The following PRKCA variants were observed in gnomAD, a reference collection of about 807,000 sequenced individuals.
The protein encoded by PRKCA is protein kinase C alpha type.
Under a neutral mutation model 87.0 loss-of-function variants are expected in PRKCA, and 27 were observed. The observed-to-expected ratio is 0.31, with a 90% CI of 0.23 to 0.43. The LOEUF (loss-of-function observed/expected upper bound fraction) is 0.43. PRKCA is among the 20% of genes least tolerant of loss of function. The pLI is 1.00. For missense variants in PRKCA, 518 were observed against 852.3 expected, an observed-to-expected ratio of 0.61 and a Z score of 4.88; for synonymous variants, 329 against 311.1, an observed-to-expected ratio of 1.06 and a Z score of -0.61.
chr17:66,563,986 CCTTCCTTCCTTCCTTCCTCCTTT>C (rs1258450569), intron 3 of PRKCA, among the ~76,000 whole-genome samples: 34 of 142,916 alleles, frequency 2.4e-4, no homozygotes, highest in African/African-American at 8.4e-4. Flanking sequence ...TTCCTTCCTT[CCTTCCTTCCTTCCTTCCTCCTTT>C]CTTTCTCTCT....
At chr17:66,612,076 TA>T (rs35346924) in intron 3 of PRKCA, among the ~76,000 whole-genome samples, 22,813 of 145,882 alleles carry the variant, frequency 0.16, 1,763 homozygotes, top group Middle Eastern at 0.19. Flanking sequence ...ACTTTGTGAG[TA>T]AAAAAAAAAA....
chr17:66,754,436 C>T (rs977344818), intron 13 of PRKCA, among the ~76,000 whole-genome samples: 2 of 152,108 alleles, frequency 1.3e-5, no homozygotes, highest in Admixed American at 1.3e-4. Flanking sequence ...CCCCACTGTG[C>T]GTGTGACTCT....
At chr17:66,694,162 G>A (rs538605351) in intron 8 of PRKCA, among the ~76,000 whole-genome samples, 48 of 152,148 alleles carry the variant, frequency 3.2e-4, no homozygotes, top group African/African-American at 9.6e-4. Flanking sequence ...GTTGGGTCCC[G>A]ATTACAAACT....
At chr17:66,774,268 G>A in intron 14 of PRKCA, 29 of 1,416,914 alleles carry the variant, frequency 2.0e-5, no homozygotes, top group Non-Finnish European at 2.7e-5. Flanking sequence ...TCTGGTCATA[G>A]AAACTCCAAA....
intron 3 of PRKCA, among the ~76,000 whole-genome samples, chr17:66,626,280 C>T (rs1455300093): frequency 6.6e-6 from 1 of 151,682 alleles, no homozygotes; most frequent in Admixed American, 6.6e-5. Flanking sequence ...CTCTGCCTCC[C>T]AGGCTCAAGC....
chr17:66,781,109 AAAATAT>A (rs1464158099), intron 14 of PRKCA, among the ~76,000 whole-genome samples: 4 of 152,206 alleles, frequency 2.6e-5, no homozygotes, highest in Non-Finnish European at 4.4e-5. Flanking sequence ...AAAAAAATAA[AAAATAT>A]AAAAATAAAA....
intron 3 of PRKCA, among the ~76,000 whole-genome samples, chr17:66,619,198 C>G (rs553275457): frequency 6.6e-6 from 1 of 152,256 alleles, no homozygotes; most frequent in Non-Finnish European, 1.5e-5. Flanking sequence ...TTGAGTCTCT[C>G]TCATAAACTG....
chr17:66,303,545 T>C (rs1904636561), intron 1 of PRKCA, among the ~76,000 whole-genome samples: 2 of 151,928 alleles, frequency 1.3e-5, no homozygotes, highest in Non-Finnish European at 2.9e-5. Context: ...TGGACTGCGC[T>C]GGCATCTTGG....
At chr17:66,395,990 A>T (rs78793640) in intron 2 of PRKCA, among the ~76,000 whole-genome samples, 6,654 of 151,912 alleles carry the variant, frequency 0.044, 327 homozygotes, top group African/African-American at 0.12. Flanking sequence ...AAAGTCTCCC[A>T]CTAGGGAAAA....
chr17:66,715,333 G>C (rs1221194308), intron 8 of PRKCA, among the ~76,000 whole-genome samples: 2 of 152,124 alleles, frequency 1.3e-5, no homozygotes, highest in Admixed American at 6.5e-5. Flanking sequence ...GCTTCAATTG[G>C]ATTTTCCCAG....
At chr17:66,746,329 C>A (rs1974284578) in intron 13 of PRKCA, among the ~76,000 whole-genome samples, 1 of 151,784 alleles carries the variant, frequency 6.6e-6, no homozygotes, top group South Asian at 2.1e-4. Flanking sequence ...CCTGTTCCAG[C>A]TTTTGCTAGC....
chr17:66,407,213 T>G (rs1208493577), intron 2 of PRKCA, among the ~76,000 whole-genome samples: 1 of 152,038 alleles, frequency 6.6e-6, no homozygotes, highest in South Asian at 2.1e-4. Flanking sequence ...CCAAATCTCA[T>G]GTGGAACTGT....
chr17:66,730,640 G>A (rs1598902992), intron 8 of PRKCA, among the ~76,000 whole-genome samples: 1 of 152,298 alleles, frequency 6.6e-6, no homozygotes, highest in African/African-American at 2.4e-5. Flanking sequence ...ATTAGCATAC[G>A]ATGAGCAGCC....
intron 5 of PRKCA, among the ~76,000 whole-genome samples, chr17:66,651,310 C>T (rs1437687429): frequency 6.6e-6 from 1 of 152,188 alleles, no homozygotes; most frequent in Non-Finnish European, 1.5e-5. Flanking sequence ...GCCATGCGCA[C>T]AGGCTCTGAG....
chr17:66,528,799 A>G (rs937336099), intron 3 of PRKCA, among the ~76,000 whole-genome samples: 3 of 152,236 alleles, frequency 2.0e-5, no homozygotes. Flanking sequence ...TTAAAATGAT[A>G]GTTGGAAGTA....
At chr17:66,578,587 C>G (rs1430267564) in intron 3 of PRKCA, among the ~76,000 whole-genome samples, 1 of 152,178 alleles carries the variant, frequency 6.6e-6, no homozygotes, top group Non-Finnish European at 1.5e-5. Context: ...ACAAACCACC[C>G]CCTCCTCTGA....
intron 3 of PRKCA, among the ~76,000 whole-genome samples, chr17:66,591,962 C>T (rs1393336105): frequency 6.6e-6 from 1 of 152,130 alleles, no homozygotes; most frequent in African/African-American, 2.4e-5. Flanking sequence ...CCAAGAGTGT[C>T]TGGTCCTAGC....
chr17:66,534,755 A>T (rs1475664355), intron 3 of PRKCA, among the ~76,000 whole-genome samples: 1 of 152,164 alleles, frequency 6.6e-6, no homozygotes, highest in Admixed American at 6.5e-5. Flanking sequence ...ACATGAGGGA[A>T]ATGGACAAGT....
At chr17:66,494,732 G>C (rs1024416056) in intron 2 of PRKCA, among the ~76,000 whole-genome samples, 5 of 152,040 alleles carry the variant, frequency 3.3e-5, no homozygotes, top group African/African-American at 9.7e-5. Context: ...TGCCTTTTTG[G>C]AGCTAGACTT....
Sources: allele counts gnomAD v4.1 joint callset (sites outside exome capture counted in the v4.1 genomes callset), GRCh38; gene constraint gnomAD v4.1.1; transcripts MANE v1.5; gene names NCBI Gene and HGNC (gene_info 2026-07-23, HGNC 2026-07-21).